Variants in B3GALT1 observed in about 807,000 individuals in gnomAD.
B3GALT1 encodes the protein UDP-Gal:betaGlcNAc beta 1,3-galactosyltransferase, polypeptide 1.
Under a neutral mutation model 23.2 loss-of-function variants are expected in B3GALT1, and 10 were observed. That is an observed-to-expected ratio of 0.43 (90% confidence interval 0.27 to 0.73). The LOEUF (loss-of-function observed/expected upper bound fraction) is 0.73. Among genes scored for constraint, B3GALT1 ranks in the 30% least tolerant of loss-of-function variants. The probability of loss-of-function intolerance (pLI) is 0.21; values close to 1 mark genes in which losing one functional copy is unlikely to be tolerated. For missense variants in B3GALT1, 299 were observed against 405.4 expected, an observed-to-expected ratio of 0.74 and a Z score of 2.25; for synonymous variants, 156 against 141.5, an observed-to-expected ratio of 1.10 and a Z score of -0.73.
At chr2:167,607,158 T>A (rs1684977181) in intron 2 of B3GALT1, among the ~76,000 whole-genome samples, 1 of 152,198 alleles carries the variant, frequency 6.6e-6, no homozygotes, top group African/African-American at 2.4e-5. Flanking sequence ...TTTTTCTTCT[T>A]TCAGTTCATA....
chr2:167,569,861 T>C (rs750274481), intron 2 of B3GALT1, among the ~76,000 whole-genome samples: 2 of 151,936 alleles, frequency 1.3e-5, no homozygotes, highest in Non-Finnish European at 2.9e-5. Context: ...TGAGAGTTTT[T>C]ATCATGAATG....
chr2:167,751,498 A>T (rs1412243838), intron 3 of B3GALT1, among the ~76,000 whole-genome samples: 1 of 152,146 alleles, frequency 6.6e-6, no homozygotes, highest in Non-Finnish European at 1.5e-5. Flanking sequence ...TTTTTTGCCA[A>T]TATGTCCATT....
At chr2:167,583,859 G>A (rs767723666) in intron 2 of B3GALT1, among the ~76,000 whole-genome samples, 1 of 152,148 alleles carries the variant, frequency 6.6e-6, no homozygotes, top group Non-Finnish European at 1.5e-5. Context: ...CAGGCTGCAA[G>A]CTCCACATCT....
intron 4 of B3GALT1, among the ~76,000 whole-genome samples, chr2:167,848,175 G>A (rs1336574690): frequency 6.6e-6 from 1 of 152,068 alleles, no homozygotes; most frequent in Non-Finnish European, 1.5e-5. Context: ...AAACAGAATT[G>A]GTACCAATCC....
At chr2:167,552,517 T>C (rs1200211238) in intron 2 of B3GALT1, among the ~76,000 whole-genome samples, 7 of 152,200 alleles carry the variant, frequency 4.6e-5, no homozygotes, top group African/African-American at 1.7e-4. Context: ...ACATTTGATA[T>C]GTTTTTGTGT....
intron 1 of B3GALT1, among the ~76,000 whole-genome samples, chr2:167,403,876 G>A (rs1233154862): frequency 3.3e-5 from 5 of 152,102 alleles, no homozygotes; most frequent in Admixed American, 6.6e-5. Context: ...CTTGAAAAGG[G>A]ACTAGGGTTA....
chr2:167,871,673 A>G lies in B3GALT1; in HGVS notation c.*1653A>G, dbSNP rs555063143. 6.6e-6 allele frequency: 1 copy of G among 152,306 alleles called. No homozygotes were observed. The highest frequency in any genetic ancestry group is 2.1e-4 in the South Asian group (1 of 4,826). 9.4% of individuals were successfully genotyped at this position (152,306 alleles called of 1,614,324 possible). A position where few individuals can be genotyped will look rare whatever the true frequency, so the allele number is the denominator to read the frequency against. Reference sequence around the variant, plus strand: ...CAGTAAATGAAGCATATACTTTGCAAAATGCATCACGACAACTTAGATCTC... The same window carrying G: ...CAGTAAATGAAGCATATACTTTGCAGAATGCATCACGACAACTTAGATCTC... On this transcript the variant is annotated 3_prime_UTR_variant, in exon 5 of 5. Transcript: ENST00000392690.
chr2:167,802,592 C>T (rs185793769), intron 3 of B3GALT1, among the ~76,000 whole-genome samples: 2 of 152,214 alleles, frequency 1.3e-5, no homozygotes, highest in African/African-American at 4.8e-5. Flanking sequence ...GCTAAGCCTA[C>T]ACATTTCATC....
intron 2 of B3GALT1, among the ~76,000 whole-genome samples, chr2:167,557,187 A>G (rs954604862): frequency 6.6e-6 from 1 of 152,060 alleles, no homozygotes; most frequent in Admixed American, 6.6e-5. Flanking sequence ...GTAAATTATT[A>G]AGTGACTTGG....
intron 1 of B3GALT1, among the ~76,000 whole-genome samples, chr2:167,333,572 A>G (rs527672939): frequency 6.6e-6 from 1 of 152,308 alleles, no homozygotes; most frequent in South Asian, 2.1e-4. Context: ...CTTCATAAGC[A>G]CTGGGTTCTG....
At chr2:167,822,070 C>A (rs1689118696) in intron 4 of B3GALT1, among the ~76,000 whole-genome samples, 1 of 152,178 alleles carries the variant, frequency 6.6e-6, no homozygotes, top group Non-Finnish European at 1.5e-5. Context: ...ATCACCCAGC[C>A]AGTGAGTGGC....
intron 2 of B3GALT1, among the ~76,000 whole-genome samples, chr2:167,552,897 AT>A (rs1683774508): frequency 6.6e-6 from 1 of 152,084 alleles, no homozygotes; most frequent in Non-Finnish European, 1.5e-5. Context: ...TTTTTGAAAT[AT>A]GTTTCTGGTC....
At chr2:167,349,345 C>T (rs73017778) in intron 1 of B3GALT1, among the ~76,000 whole-genome samples, 4,122 of 152,210 alleles carry the variant, frequency 0.027, 194 homozygotes, top group African/African-American at 0.093. Flanking sequence ...AAATCTGTTG[C>T]TGCAGTATTT....
At chr2:167,678,962 C>CT (rs1558946769) in intron 3 of B3GALT1, among the ~76,000 whole-genome samples, 1 of 152,042 alleles carries the variant, frequency 6.6e-6, no homozygotes, top group Non-Finnish European at 1.5e-5. Context: ...ATTTCTATTT[C>CT]TATTTTTCCA....
At position 167,675,317 on chromosome 2, in the gene B3GALT1, A is replaced by G. The variant is rs549695487; in HGVS notation, c.-352+28351A>G. ...TGGCTCTCAACGCTGTCATACTCCA[A>G]GCCCCATTTTTATAGCAAATATTTT... On this transcript the variant is annotated intron_variant, in intron 3 of 4. Transcript: ENST00000392690. Among the ~76,000 whole-genome samples the G allele has an allele frequency of 3.3e-5, 5 of 152,306 alleles. No homozygotes were observed. In the East Asian group the frequency reaches 9.6e-4, roughly 29 times the overall value.
intron 1 of B3GALT1, among the ~76,000 whole-genome samples, chr2:167,463,830 A>G (rs938956680): frequency 6.6e-6 from 1 of 152,226 alleles, no homozygotes; most frequent in Admixed American, 6.5e-5. Flanking sequence ...AAAGTGAGAG[A>G]TAAGAGTTGT....
In B3GALT1 at chr2:167,520,135, T is replaced by A. The variant is rs145100908; in HGVS notation, c.-410+29858T>A. ...TTTGAAAAGTTCATGTTAAATGGAA[T>A]TAAAAGATAAAAATATAAACTTTAT... On this transcript the variant is annotated intron_variant, in intron 2 of 4. Transcript: ENST00000392690. Among the ~76,000 whole-genome samples the A allele has an allele frequency of 8.2e-3, 1,250 of 152,136 alleles. 8 individuals are homozygous for A. The highest frequency in any genetic ancestry group is 0.018 in the South Asian group (86 of 4,814).
intron 3 of B3GALT1, among the ~76,000 whole-genome samples, chr2:167,750,216 A>C (rs1192366840): frequency 6.6e-6 from 1 of 152,208 alleles, no homozygotes; most frequent in Non-Finnish European, 1.5e-5. Context: ...GATATTTATA[A>C]GCATGGCTTT....
At chr2:167,379,445 A>T (rs1400558792) in intron 1 of B3GALT1, among the ~76,000 whole-genome samples, 1 of 151,792 alleles carries the variant, frequency 6.6e-6, no homozygotes, top group Admixed American at 6.6e-5. Flanking sequence ...CTTTTTCCCC[A>T]TTCTCTAGGG....
Sources: allele counts gnomAD v4.1 joint callset (sites outside exome capture counted in the v4.1 genomes callset), GRCh38; gene constraint gnomAD v4.1.1; transcripts MANE v1.5; gene names NCBI Gene and HGNC (gene_info 2026-07-23, HGNC 2026-07-21).